Variants in RAB37 observed in about 807,000 individuals in gnomAD.
The protein encoded by RAB37 is ras-related protein Rab-37.
A neutral mutation model predicts 33.1 loss-of-function variants in RAB37; 29 were observed. The observed-to-expected ratio is 0.88, with a 90% CI of 0.65 to 1.20. The LOEUF (loss-of-function observed/expected upper bound fraction) is 1.20. Among genes scored for constraint, RAB37 ranks in the 50% most tolerant of loss-of-function variants. The pLI is 0.00. For synonymous variants in RAB37, 128 were observed against 119.5 expected, an observed-to-expected ratio of 1.07 and a Z score of -0.47; for missense variants, 299 against 301.1, an observed-to-expected ratio of 0.99 and a Z score of 0.05.
intron 1 of RAB37, among the ~76,000 whole-genome samples, chr17:74,689,997 G>A (rs1045707018): frequency 6.6e-6 from 1 of 152,142 alleles, no homozygotes; most frequent in Admixed American, 6.5e-5. Flanking sequence ...TGTCCCTGAG[G>A]CTGGTGTGCA....
At chr17:74,699,322 C>T (rs2032819059) in intron 1 of RAB37, among the ~76,000 whole-genome samples, 1 of 152,182 alleles carries the variant, frequency 6.6e-6, no homozygotes, top group Admixed American at 6.5e-5. Flanking sequence ...TAAAACACCT[C>T]CTGCCTCTAC....
chr17:74,743,875 G>A (rs1215767393), intron 5 of RAB37, among the ~76,000 whole-genome samples: 1 of 152,110 alleles, frequency 6.6e-6, no homozygotes, highest in Non-Finnish European at 1.5e-5. Flanking sequence ...AGAATAAAAC[G>A]TTTATATAGA....
At chr17:74,704,586 T>A in intron 1 of RAB37, 1 of 1,614,206 alleles carries the variant, frequency 6.2e-7, no homozygotes, top group Non-Finnish European at 8.5e-7. Flanking sequence ...ATGGTCACAG[T>A]GAACGTGCGG....
chr17:74,735,539 G>C (rs2034462642), upstream of RAB37, among the ~76,000 whole-genome samples: 1 of 152,076 alleles, frequency 6.6e-6, no homozygotes, highest in African/African-American at 2.4e-5. Context: ...CCGTCTCCGG[G>C]AGCCCACGGC....
At chr17:74,726,181 G>A (rs2034304491) in intron 1 of RAB37, among the ~76,000 whole-genome samples, 1 of 150,582 alleles carries the variant, frequency 6.6e-6, no homozygotes. Flanking sequence ...GTTATTGTGA[G>A]CCGAGATTGT....
chr17:74,732,370 C>T (rs117137539), upstream of RAB37, among the ~76,000 whole-genome samples: 23 of 151,470 alleles, frequency 1.5e-4, no homozygotes, highest in Non-Finnish European at 4.4e-5. Context: ...CACATCCCGA[C>T]CCTGTGCTCT....
intron 1 of RAB37, among the ~76,000 whole-genome samples, chr17:74,675,671 G>A (rs539429750): frequency 6.6e-6 from 1 of 152,140 alleles, no homozygotes; most frequent in Non-Finnish European, 1.5e-5. Context: ...TCCCAGTTCT[G>A]ACTTCCTAAG....
At chr17:74,734,319 T>G (rs931922394), upstream of RAB37, among the ~76,000 whole-genome samples, 2 of 152,238 alleles carry the variant, frequency 1.3e-5, no homozygotes, top group Non-Finnish European at 2.9e-5. Flanking sequence ...CCGGTCATAC[T>G]GGATTAATGG....
At chr17:74,695,188 G>T (rs1488364537) in intron 1 of RAB37, 1 of 1,614,164 alleles carries the variant, frequency 6.2e-7, no homozygotes, top group Admixed American at 1.7e-5. Context: ...CAGTAGGTCG[G>T]TTCCTGATCC....
chr17:74,680,617 C>G (rs1410678838), intron 1 of RAB37, among the ~76,000 whole-genome samples: 2 of 152,138 alleles, frequency 1.3e-5, no homozygotes, highest in South Asian at 2.1e-4. Flanking sequence ...TAGGTCCTCT[C>G]CCCTACCCCT....
chr17:74,745,147 GGGCCCGGCCCCT>G lies in RAB37; in HGVS notation c.566+69_566+80del. ...GGCGGCACACTCCAGGAATCCAGTA[GGGCCCGGCCCCT>G]GGCCCAGCCCCTGGACACACCTGCA... On this transcript the variant is annotated intron_variant, in intron 8 of 8. Transcript: ENST00000392613. The surrounding 1 kb of genome is among the most constrained non-coding windows in gnomAD (Gnocchi z 4.5). The G allele has an allele frequency of 1.3e-6, 2 of 1,588,670 alleles. No homozygotes were observed. The highest frequency in any genetic ancestry group is 1.7e-6 in the Non-Finnish European group (2 of 1,158,858).
At chr17:74,722,954 T>C (rs1277611087) in intron 1 of RAB37, among the ~76,000 whole-genome samples, 2 of 152,148 alleles carry the variant, frequency 1.3e-5, no homozygotes, top group Non-Finnish European at 2.9e-5. Flanking sequence ...CCCTGAATAA[T>C]AAAGTCACAG....
At chr17:74,688,668 A>G (rs1218367678) in intron 1 of RAB37, among the ~76,000 whole-genome samples, 1 of 152,190 alleles carries the variant, frequency 6.6e-6, no homozygotes, top group Non-Finnish European at 1.5e-5. Context: ...CTCTACAAAA[A>G]CTAAACTGCT....
intron 2 of RAB37, among the ~76,000 whole-genome samples, chr17:74,731,175 C>T (rs1038154048): frequency 1.3e-5 from 2 of 152,164 alleles, no homozygotes; most frequent in African/African-American, 4.8e-5. Context: ...TGGGGGTCCC[C>T]GGAGAGCCAG....
chr17:74,696,879 G>T (rs1402506153), intron 1 of RAB37, among the ~76,000 whole-genome samples: 2 of 151,846 alleles, frequency 1.3e-5, no homozygotes, highest in Non-Finnish European at 2.9e-5. Context: ...GTGCAAGCTG[G>T]GTCGGCACAG....
At chr17:74,682,721 A>T (rs771479440) in intron 1 of RAB37, among the ~76,000 whole-genome samples, 13 of 152,222 alleles carry the variant, frequency 8.5e-5, no homozygotes, top group Non-Finnish European at 1.5e-4. Flanking sequence ...CCTGACCAAC[A>T]TGGGGAAACC....
At chr17:74,700,598 C>T (rs1447566090) in intron 1 of RAB37, among the ~76,000 whole-genome samples, 1 of 151,968 alleles carries the variant, frequency 6.6e-6, no homozygotes, top group African/African-American at 2.4e-5. Context: ...AAATAACAGC[C>T]GGGTGTGGTG....
intron 1 of RAB37, among the ~76,000 whole-genome samples, chr17:74,689,725 T>TC (rs2032124473): frequency 1.3e-5 from 2 of 152,182 alleles, no homozygotes; most frequent in African/African-American, 4.8e-5. Flanking sequence ...TCCAGCAGTC[T>TC]CCCCTTTCCA....
Position 74,704,790 on chromosome 17 carries a change from C to A in RAB37, c.73-24466C>A, listed in dbSNP as rs759901422. The A allele has an allele frequency of 4.3e-6, 7 of 1,613,274 alleles. No homozygotes were observed. In the African/African-American group the frequency reaches 8.0e-5, roughly 18 times the overall value. On this transcript the variant is annotated intron_variant, in intron 1 of 7. Transcript: ENST00000340415. ...TCCAAGCCATTCACTGTTGTTGGACCGGTGATTTGAGTGACAATGGAGTAG... is the reference window on the plus strand; with the variant it reads ...TCCAAGCCATTCACTGTTGTTGGACAGGTGATTTGAGTGACAATGGAGTAG...
Sources: allele counts gnomAD v4.1 joint callset (sites outside exome capture counted in the v4.1 genomes callset), GRCh38; gene constraint gnomAD v4.1.1; non-coding constraint Gnocchi (gnomAD v3.1); transcripts MANE v1.5; gene names NCBI Gene and HGNC (gene_info 2026-07-23, HGNC 2026-07-21).